Variants in RIN2 observed in about 807,000 individuals in gnomAD.
RIN2 encodes RAB5 interacting protein 2.
Under a neutral mutation model 78.0 loss-of-function variants are expected in RIN2, and 36 were observed. The ratio of observed to expected loss-of-function variants is 0.46; its 90% confidence interval spans 0.35 to 0.61. RIN2 has a LOEUF of 0.61. Ranked by LOEUF, RIN2 falls within the 20% of genes least tolerant of loss-of-function variation. The pLI is 0.00. For missense variants in RIN2, 1,087 were observed against 1,159.7 expected (o/e 0.94, Z 0.91); for synonymous variants, 466 against 466.8 (o/e 1.00, Z 0.02).
chr20:19,861,568 T>G (rs1446586972), intron 2 of RIN2, among the ~76,000 whole-genome samples: 3 of 149,848 alleles, frequency 2.0e-5, no homozygotes, highest in Admixed American at 1.3e-4. Context: ...TCACCCTCCA[T>G]ATCTGATGAT....
intron 2 of RIN2, among the ~76,000 whole-genome samples, chr20:19,802,013 C>T (rs1487267900): frequency 6.6e-6 from 1 of 152,164 alleles, no homozygotes; most frequent in Non-Finnish European, 1.5e-5. Flanking sequence ...TGCCACAGGA[C>T]TCTGAGATAC....
chr20:19,902,090 A>G (rs1317911135), intron 3 of RIN2, among the ~76,000 whole-genome samples: 1 of 151,802 alleles, frequency 6.6e-6, no homozygotes, highest in Non-Finnish European at 1.5e-5. Flanking sequence ...CTTTAAAACC[A>G]TTAACTTATT....
chr20:19,982,117 A>G (rs2042472972), intron 9 of RIN2, among the ~76,000 whole-genome samples: 1 of 152,160 alleles, frequency 6.6e-6, no homozygotes, highest in Non-Finnish European at 1.5e-5. Context: ...TCAAAGAGAG[A>G]AGACTAATTG....
intron 2 of RIN2, among the ~76,000 whole-genome samples, chr20:19,842,278 A>G (rs1488177235): frequency 2.7e-5 from 4 of 145,944 alleles, no homozygotes; most frequent in African/African-American, 1.0e-4. Flanking sequence ...GCTGGAGTGT[A>G]GTGGTGCGAT....
intron 1 of RIN2, among the ~76,000 whole-genome samples, chr20:19,795,165 G>A (rs567363580): frequency 8.5e-5 from 13 of 152,258 alleles, no homozygotes; most frequent in African/African-American, 1.7e-4. Context: ...TGCTTAACCC[G>A]GACTCGCAGG....
At position 19,883,337 on chromosome 20, in the gene RIN2, CTTT is replaced by C. The variant is rs35438191; in HGVS notation, c.-36-6210_-36-6208del. The stretch of plus-strand genomic sequence containing the variant: ...AGCTTCCTACTCCAGAAAGAGAGGA[CTTT>C]TTTTTTTTTTTTTTTTTTAGACCTG... On this transcript the variant is annotated intron_variant, in intron 2 of 12. Transcript: ENST00000255006. Among the ~76,000 whole-genome samples the C allele has an allele frequency of 2.1e-4, 25 of 118,522 alleles. 1 individual carries two copies. Among genetic ancestry groups the C allele is most frequent in the South Asian group, 5.7e-4 (2 of 3,538 alleles). 77.8% of individuals were successfully genotyped at this position (118,522 alleles called of 152,430 possible). A position where few individuals can be genotyped will look rare whatever the true frequency, so the allele number is the denominator to read the frequency against.
intron 3 of RIN2, among the ~76,000 whole-genome samples, chr20:19,914,271 T>G (rs2039591742): frequency 6.6e-6 from 1 of 152,198 alleles, no homozygotes; most frequent in Admixed American, 6.5e-5. Flanking sequence ...AAATAATATC[T>G]TATGCTTCTT....
chr20:19,989,126 T>C (rs758277261), intron 9 of RIN2, among the ~76,000 whole-genome samples: 2 of 152,224 alleles, frequency 1.3e-5, no homozygotes, highest in Non-Finnish European at 2.9e-5. Flanking sequence ...TTAACACTGA[T>C]GCCTTGTTAG....
At chr20:19,874,297 G>A (rs2037788351) in intron 2 of RIN2, among the ~76,000 whole-genome samples, 1 of 152,182 alleles carries the variant, frequency 6.6e-6, no homozygotes, top group Admixed American at 6.5e-5. Flanking sequence ...CACACATAAA[G>A]CAAGGTTATG....
At chr20:19,989,010 A>C (rs1480227645) in intron 9 of RIN2, among the ~76,000 whole-genome samples, 3 of 152,124 alleles carry the variant, frequency 2.0e-5, no homozygotes, top group Non-Finnish European at 4.4e-5. Flanking sequence ...GAACCATTTA[A>C]GTTGCAGACA....
At chr20:19,843,684 G>A (rs753907750) in intron 2 of RIN2, among the ~76,000 whole-genome samples, 1 of 152,012 alleles carries the variant, frequency 6.6e-6, no homozygotes, top group Non-Finnish European at 1.5e-5. Flanking sequence ...TTATTGTGGT[G>A]GTCTGGAACC....
At chr20:19,954,289 A>C (rs1388501344) in intron 4 of RIN2, among the ~76,000 whole-genome samples, 1 of 152,210 alleles carries the variant, frequency 6.6e-6, no homozygotes, top group Non-Finnish European at 1.5e-5. Context: ...TAAATACATT[A>C]TCTAGTTCAC....
At chr20:19,777,955 TC>T (rs780486954) in intron 1 of RIN2, among the ~76,000 whole-genome samples, 4 of 152,240 alleles carry the variant, frequency 2.6e-5, no homozygotes, top group Non-Finnish European at 4.4e-5. Context: ...ACTGGTGTGT[TC>T]CAAATCCAAG....
intron 9 of RIN2, among the ~76,000 whole-genome samples, chr20:19,983,301 C>T (rs148672118): frequency 2.6e-5 from 4 of 152,264 alleles, no homozygotes; most frequent in Admixed American, 6.5e-5. Flanking sequence ...CCTGACTTGT[C>T]GGAAATAGAA....
intron 3 of RIN2, among the ~76,000 whole-genome samples, chr20:19,920,158 T>A (rs1463821965): frequency 1.3e-5 from 2 of 151,916 alleles, no homozygotes; most frequent in Non-Finnish European, 2.9e-5. Context: ...TAGCCAGGCA[T>A]GGTGGCGGGC....
chr20:20,000,981 A>G lies in RIN2; in HGVS notation c.*45A>G. 3.9e-6 allele frequency: 6 copies of G among 1,527,848 alleles called. No individual in the cohort carries two copies. The highest frequency in any genetic ancestry group is 5.3e-6 in the Non-Finnish European group (6 of 1,128,058). 94.6% of individuals were successfully genotyped at this position (1,527,848 alleles called of 1,614,324 possible). A position where few individuals can be genotyped will look rare whatever the true frequency, so the allele number is the denominator to read the frequency against. ...AGTGGTGCATCCAAAGGGGAGCTGGAAGCCTTGCCTTCCCGCTTCTACATG... is the reference window on the plus strand; with the variant it reads ...AGTGGTGCATCCAAAGGGGAGCTGGGAGCCTTGCCTTCCCGCTTCTACATG... On this transcript the variant is annotated 3_prime_UTR_variant, in exon 13 of 13. Coordinates refer to ENST00000255006, the MANE Select transcript of RIN2 (RefSeq NM_018993.4).
At chr20:19,983,183 G>T (rs975803696) in intron 9 of RIN2, among the ~76,000 whole-genome samples, 2 of 152,200 alleles carry the variant, frequency 1.3e-5, no homozygotes, top group African/African-American at 4.8e-5. Context: ...TGTTAGTTCT[G>T]ATCCTTAATC....
chr20:19,839,755 C>T (rs561145102), intron 2 of RIN2, among the ~76,000 whole-genome samples: 6 of 152,304 alleles, frequency 3.9e-5, no homozygotes, highest in Admixed American at 2.0e-4. Context: ...AAGGTCCTCC[C>T]CTTTCCCACT....
intron 2 of RIN2, among the ~76,000 whole-genome samples, chr20:19,858,805 G>A (rs2037243531): frequency 1.3e-5 from 2 of 152,118 alleles, no homozygotes; most frequent in African/African-American, 4.8e-5. Context: ...ACAATCAAGG[G>A]TAAATGTTTG....
Sources: allele counts gnomAD v4.1 joint callset (sites outside exome capture counted in the v4.1 genomes callset), GRCh38; gene constraint gnomAD v4.1.1; transcripts MANE v1.5; gene names NCBI Gene and HGNC (gene_info 2026-07-23, HGNC 2026-07-21).